The following USP2 variants were observed in gnomAD, a reference collection of about 807,000 sequenced individuals.
USP2 encodes ubiquitin carboxyl-terminal hydrolase 2.
In USP2, 33 loss-of-function variants were observed where a neutral mutation model predicts 72.0. The ratio of observed to expected loss-of-function variants is 0.46; its 90% CI spans 0.35 to 0.61. The LOEUF is 0.61. Ranked by LOEUF, USP2 falls within the 20% of genes least tolerant of loss-of-function variation. The pLI is 0.01. For missense variants in USP2, 691 were observed against 797.8 expected (o/e 0.87, Z 1.61); for synonymous variants, 296 against 312.5 (o/e 0.95, Z 0.56).
At chr11:119,380,368 C>A (rs1215182188) in intron 1 of USP2, among the ~76,000 whole-genome samples, 2 of 151,980 alleles carry the variant, frequency 1.3e-5, no homozygotes, top group East Asian at 3.9e-4. Flanking sequence ...GCTCCTTCCC[C>A]CTTTGCCTAG....
chr11:119,375,261 C>A (rs1363789329), intron 1 of USP2, among the ~76,000 whole-genome samples: 1 of 152,232 alleles, frequency 6.6e-6, no homozygotes, highest in Non-Finnish European at 1.5e-5. Flanking sequence ...GAATCCCAGT[C>A]CACACAAGGC....
At position 119,373,290 on chromosome 11, in the gene USP2, C is replaced by CGG; in HGVS notation, c.189_190dup (p.Arg64ProfsTer19). 1 of 1,613,780 alleles carries CGG rather than the reference C, an allele frequency of 6.2e-7. No homozygotes were observed. The highest frequency in any genetic ancestry group is 8.5e-7 in the Non-Finnish European group (1 of 1,179,860). On this transcript the variant is annotated frameshift_variant, in exon 2 of 13. Transcript: ENST00000260187. LOFTEE classifies it high-confidence loss of function. ...CAGGAGGGAGGAGGGGCCATAGGTA[C>CGG]GGGGACGGGTGAGGAAGCTGCTGGT...
chr11:119,372,792 GGT>G lies in USP2; in HGVS notation c.687_688del (p.Pro230HisfsTer31). 6.3e-7 allele frequency: 1 copy of G among 1,599,714 alleles called. No individual in the cohort carries two copies. Among genetic ancestry groups the G allele is most frequent in the Non-Finnish European group, 8.5e-7 (1 of 1,173,592 alleles). On this transcript the variant is annotated frameshift_variant, in exon 2 of 13. Transcript: ENST00000260187. LOFTEE classifies it high-confidence loss of function. ...CTCCCACAGCGTGTAGCGGCCAATG[GGT>G]CGGTAGGTTGGGCTGATGATTTCAG...
At chr11:119,376,425 C>G in intron 1 of USP2, 1 of 985,482 alleles carries the variant, frequency 1.0e-6, no homozygotes, top group Non-Finnish European at 1.2e-6. Context: ...TGGGATCCCC[C>G]ATACCCCTCC....
chr11:119,360,456 C>T (rs767990354), intron 2 of USP2: 38 of 601,782 alleles, frequency 6.3e-5, no homozygotes, highest in Non-Finnish European at 9.1e-5. Context: ...CGGAATCTCA[C>T]GCTGTCACCC....
Position 119,356,928 on chromosome 11 carries a change from G to A in USP2, c.1731-6C>T, listed in dbSNP as rs369730061. Reference sequence around the variant, plus strand: ...TGGAGGACATGGGAGTGACGCTGCGGAGAGAGCGGGGAGTCAGCCCGGAGC... The same window carrying A: ...TGGAGGACATGGGAGTGACGCTGCGAAGAGAGCGGGGAGTCAGCCCGGAGC... On this transcript the variant is annotated splice_polypyrimidine_tract_variant and splice_region_variant and intron_variant, in intron 12 of 12. Transcript: ENST00000260187. The A allele has an allele frequency of 1.3e-6, 2 of 1,555,108 alleles. No individual in the cohort carries two copies. Among genetic ancestry groups the A allele is most frequent in the Non-Finnish European group, 1.7e-6 (2 of 1,149,852 alleles).
intron 4 of USP2, 89 bp from the exon 5 acceptor site, chr11:119,359,431 AAGAC>A (rs1188393050): frequency 3.8e-6 from 6 of 1,590,118 alleles, no homozygotes; most frequent in African/African-American, 2.7e-5. Flanking sequence ...CAAGCAGAGA[AAGAC>A]AGACAGGATA....
intron 1 of USP2, chr11:119,379,056 A>G: frequency 1.0e-6 from 1 of 985,610 alleles, no homozygotes; most frequent in Non-Finnish European, 1.2e-6. Flanking sequence ...CTTCCCCAGC[A>G]GGGCAGGGAA....
chr11:119,380,518 CG>C (rs1399574639), intron 1 of USP2, among the ~76,000 whole-genome samples: 1 of 152,062 alleles, frequency 6.6e-6, no homozygotes, highest in Non-Finnish European at 1.5e-5. Context: ...GAGGAAGGAA[CG>C]GGGTTCTTAG....
At position 119,360,225 on chromosome 11, in the gene USP2, T is replaced by G. The variant is rs1211022392; in HGVS notation, c.784A>C (p.Ser262Arg). Reference protein sequence around the residue: ...SPGRDGMNSKSAQGLAGLRNL... With the variant: ...SPGRDGMNSKRAQGLAGLRNL... Reference sequence around the variant, plus strand: ...CGAAGACCAGCCAGACCCTGGGCACTCTTAGAATTCTGTAAGCAAAGAACA... The same window carrying G: ...CGAAGACCAGCCAGACCCTGGGCACGCTTAGAATTCTGTAAGCAAAGAACA... Residue 262 changes from serine (S) to arginine (R), a missense_variant, in exon 3 of 13, where the codon AGT becomes CGT. Coordinates refer to ENST00000260187, the MANE Select transcript of USP2 (RefSeq NM_004205.5). 1.9e-6 allele frequency: 3 copies of G among 1,613,878 alleles called. No homozygotes were observed. Among genetic ancestry groups the G allele is most frequent in the Non-Finnish European group, 2.5e-6 (3 of 1,179,988 alleles).
intron 2 of USP2, among the ~76,000 whole-genome samples, chr11:119,363,388 T>C (rs1213379708): frequency 1.3e-5 from 2 of 152,150 alleles, no homozygotes; most frequent in Non-Finnish European, 2.9e-5. Flanking sequence ...AGGACCCCCG[T>C]CACCAACCCT....
intron 3 of USP2, 57 bp downstream of exon 3, chr11:119,360,127 T>C: frequency 6.3e-7 from 1 of 1,594,594 alleles, no homozygotes; most frequent in South Asian, 1.1e-5. Context: ...GTTATATGGC[T>C]CCAGTCAGCA....
Position 119,360,194 on chromosome 11 carries a change from A to C in USP2, c.815T>G (p.Leu272Arg), listed in dbSNP as rs1403725741. 1.2e-6 allele frequency: 2 copies of C among 1,613,864 alleles called. No homozygotes were observed. The highest frequency in any genetic ancestry group is 1.7e-5 in the Admixed American group (1 of 59,974). ...SAQGLAGLRNLGNTCFMNSIL... is the reference protein window; with the variant it reads ...SAQGLAGLRNRGNTCFMNSIL... The stretch of plus-strand genomic sequence containing the variant: ...CCAGGAAAAACTCACCGTGTTCCCA[A>C]GGTTTCGAAGACCAGCCAGACCCTG... The change falls in exon 3 of 13, where the codon CTT becomes CGT. Residue 272 changes from leucine to arginine, a missense_variant. Leu to Arg is a moderately radical substitution (Grantham distance 102, BLOSUM62 -2). Transcript: ENST00000260187.
chr11:119,373,144 A>C lies in USP2; in HGVS notation c.337T>G (p.Phe113Val). 6.2e-7 allele frequency: 1 copy of C among 1,614,120 alleles called. No individual in the cohort carries two copies. The highest frequency in any genetic ancestry group is 1.1e-5 in the South Asian group (1 of 91,084). Residue 113 changes from phenylalanine (F) to valine (V), a missense_variant, in exon 2 of 13, where the codon TTC becomes GTC. Physicochemically the swap from Phe to Val is conservative, Grantham distance 50. Coordinates refer to ENST00000260187, the MANE Select transcript of USP2 (RefSeq NM_004205.5). ...CAGTTGTTGGTCACTCCATAAGGGA[A>C]TCCGCTGCCCCCGCTGAGGCCACTG... ...LGSGLSGGSG[F>V]PYGVTNNCLS...
At chr11:119,370,899 C>T (rs767885024) in intron 2 of USP2, among the ~76,000 whole-genome samples, 9 of 152,122 alleles carry the variant, frequency 5.9e-5, no homozygotes, top group Non-Finnish European at 1.3e-4. Context: ...AGTTGGAGGG[C>T]GGCAGACTCC....
rs1011310147 is a variant in USP2, at chr11:119,373,193, G to A, written c.288C>T (p.Thr96=). The change falls in exon 2 of 13, where the codon ACC becomes ACT. Residue 96 remains threonine (T), a synonymous_variant. Transcript: ENST00000260187. ...TGGGKRAESQ[T]RGTERPLGSG... ...TGCCTAAAGGCCGCTCAGTACCCCG[G>A]GTCTGGCTCTCTGCCCGCTTACCAC... is the stretch of plus-strand genomic sequence containing the variant. 1.8e-5 allele frequency: 29 copies of A among 1,613,926 alleles called. No homozygotes were observed. The highest frequency in any genetic ancestry group is 2.4e-5 in the Non-Finnish European group (28 of 1,179,996).
rs572802274 is a variant in USP2 at position 119,371,715 on chromosome 11, G to A, written c.774+992C>T. Among the ~76,000 whole-genome samples the A allele has an allele frequency of 2.6e-5, 4 of 152,218 alleles. No homozygotes were observed. The South Asian group carries it at 6.2e-4, about 24-fold the overall frequency. On this transcript the variant is annotated intron_variant, in intron 2 of 12. Transcript: ENST00000260187. Reference sequence around the variant, plus strand: ...GTATTTGTCCTAGGAGTAGGGAGGGGTACATAAGGTAATGGAGGAGACACA... The same window carrying A: ...GTATTTGTCCTAGGAGTAGGGAGGGATACATAAGGTAATGGAGGAGACACA...
intron 1 of USP2, among the ~76,000 whole-genome samples, chr11:119,376,522 G>A (rs1025013391): frequency 1.3e-5 from 2 of 152,254 alleles, no homozygotes; most frequent in African/African-American, 4.8e-5. Context: ...TCCAGGCAGC[G>A]CCTCTCCAGG....
At chr11:119,363,928 T>C in intron 2 of USP2, 2 of 993,212 alleles carry the variant, frequency 2.0e-6, no homozygotes, top group Non-Finnish European at 2.4e-6. Context: ...CCGCAGCTCC[T>C]TGGCGAGGGC....
Sources: allele counts gnomAD v4.1 joint callset (sites outside exome capture counted in the v4.1 genomes callset), GRCh38; gene constraint gnomAD v4.1.1; transcripts MANE v1.5; gene names NCBI Gene and HGNC (gene_info 2026-07-23, HGNC 2026-07-21).